EPHA7: variants seen among roughly 807,000 people sequenced by gnomAD.
EPHA7 encodes ephrin type-A receptor 7.
EPHA7 carries 25 observed loss-of-function variants against 112.6 expected under a neutral mutation model. That is an observed-to-expected ratio of 0.22 (90% CI 0.16 to 0.31). The LOEUF (loss-of-function observed/expected upper bound fraction) is 0.31, where lower values mean the gene tolerates loss of function less well. Ranked by LOEUF, EPHA7 falls within the 10% of genes least tolerant of loss-of-function variation. The pLI, the probability that EPHA7 is intolerant of heterozygous loss-of-function variation, is 1.00. For synonymous variants in EPHA7, 437 were observed against 406.5 expected (o/e 1.07, Z -0.90); for missense variants, 962 against 1,212.6 (o/e 0.79, Z 3.07).
intron 3 of EPHA7, among the ~76,000 whole-genome samples, chr6:93,387,709 A>G (rs1582646716): frequency 6.6e-6 from 1 of 152,086 alleles, no homozygotes; most frequent in African/African-American, 2.4e-5. Context: ...CCTTCTTCAC[A>G]TGGCAGCAGG....
chr6:93,338,627 C>A (rs990640368), intron 5 of EPHA7, among the ~76,000 whole-genome samples: 2 of 151,676 alleles, frequency 1.3e-5, no homozygotes, highest in African/African-American at 2.4e-5. Flanking sequence ...AAATAATAAT[C>A]GAAACAATAA....
chr6:93,268,659 A>G (rs1771064387), intron 7 of EPHA7, among the ~76,000 whole-genome samples: 1 of 151,714 alleles, frequency 6.6e-6, no homozygotes, highest in Admixed American at 6.6e-5. Context: ...TCTGTGGAGG[A>G]GCAACAGCAG....
chr6:93,374,311 T>C (rs921000245), intron 3 of EPHA7, among the ~76,000 whole-genome samples: 1 of 152,152 alleles, frequency 6.6e-6, no homozygotes, highest in Non-Finnish European at 1.5e-5. Context: ...CAGACAAGAA[T>C]AGAGATATGA....
chr6:93,336,591 CG>C (rs1307213488), intron 5 of EPHA7, among the ~76,000 whole-genome samples: 2 of 151,934 alleles, frequency 1.3e-5, no homozygotes, highest in East Asian at 1.9e-4. Context: ...TTAGTAGAGA[CG>C]GGGTTTCACT....
intron 5 of EPHA7, among the ~76,000 whole-genome samples, chr6:93,281,681 CT>C (rs1012257106): frequency 2.0e-5 from 3 of 151,812 alleles, no homozygotes; most frequent in Non-Finnish European, 2.9e-5. Flanking sequence ...GACCTCAGAA[CT>C]TTTTTTTAAA....
At chr6:93,251,150 CA>C (rs1770189426) in intron 14 of EPHA7, among the ~76,000 whole-genome samples, 1 of 152,002 alleles carries the variant, frequency 6.6e-6, no homozygotes, top group Admixed American at 6.6e-5. Flanking sequence ...TGTTGGACTT[CA>C]CTTATGAGAT....
intron 5 of EPHA7, among the ~76,000 whole-genome samples, chr6:93,303,745 T>C (rs1773111798): frequency 6.6e-6 from 1 of 152,244 alleles, no homozygotes; most frequent in South Asian, 2.1e-4. Context: ...TATGATGCTA[T>C]AAAATGATAG....
intron 5 of EPHA7, among the ~76,000 whole-genome samples, chr6:93,291,191 T>G (rs538122334): frequency 3.3e-5 from 5 of 152,204 alleles, no homozygotes; most frequent in South Asian, 2.1e-4. Context: ...AGCAATTGTG[T>G]AACATATTTT....
At chr6:93,294,068 A>G (rs1772526527) in intron 5 of EPHA7, among the ~76,000 whole-genome samples, 1 of 152,154 alleles carries the variant, frequency 6.6e-6, no homozygotes, top group Non-Finnish European at 1.5e-5. Flanking sequence ...ATAAAGCCCA[A>G]TTTACAAATC....
chr6:93,315,131 G>T (rs1773745761), intron 5 of EPHA7, among the ~76,000 whole-genome samples: 2 of 149,950 alleles, frequency 1.3e-5, no homozygotes, highest in African/African-American at 5.0e-5. Context: ...CAAAGTGCTG[G>T]GATTACAGGC....
intron 5 of EPHA7, among the ~76,000 whole-genome samples, chr6:93,317,080 T>C (rs570107528): frequency 8.5e-5 from 13 of 152,156 alleles, no homozygotes; most frequent in Admixed American, 5.2e-4. Flanking sequence ...GGATTTTCTC[T>C]CTTCTCTCCT....
intron 12 of EPHA7, among the ~76,000 whole-genome samples, chr6:93,256,625 G>T (rs1770450382): frequency 6.6e-6 from 1 of 152,036 alleles, no homozygotes; most frequent in South Asian, 2.1e-4. Flanking sequence ...TAGCAAATGG[G>T]ATTGAGAACT....
chr6:93,396,427 G>C (rs181426633), intron 3 of EPHA7, among the ~76,000 whole-genome samples: 10 of 151,836 alleles, frequency 6.6e-5, no homozygotes, highest in Middle Eastern at 3.4e-3. Context: ...ATCCTACCCT[G>C]ACTAAAAGCA....
intron 3 of EPHA7, among the ~76,000 whole-genome samples, chr6:93,386,472 TC>T (rs1181142540): frequency 6.6e-6 from 1 of 152,102 alleles, no homozygotes; most frequent in Non-Finnish European, 1.5e-5. Context: ...AGAGGGGGGC[TC>T]CCCATTCTGG....
chr6:93,300,827 C>T (rs543369813), intron 5 of EPHA7, among the ~76,000 whole-genome samples: 2 of 152,242 alleles, frequency 1.3e-5, no homozygotes, highest in South Asian at 2.1e-4. Flanking sequence ...AATAATGCAT[C>T]ATTCGGTTAT....
At chr6:93,360,095 T>C (rs1029418932) in intron 3 of EPHA7, among the ~76,000 whole-genome samples, 2 of 152,132 alleles carry the variant, frequency 1.3e-5, no homozygotes, top group Admixed American at 1.3e-4. Context: ...TTCACTTGTT[T>C]TCAATAGCAA....
chr6:93,288,589 T>C (rs1772192652), intron 5 of EPHA7, among the ~76,000 whole-genome samples: 1 of 152,224 alleles, frequency 6.6e-6, no homozygotes, highest in Admixed American at 6.5e-5. Flanking sequence ...AAATACTTAA[T>C]TTTGCATGAC....
intron 7 of EPHA7, 63 bp from the exon 8 acceptor site, chr6:93,264,765 T>C (rs1770851486): frequency 1.1e-6 from 1 of 882,110 alleles, no homozygotes; most frequent in South Asian, 1.9e-5. Context: ...AAAGGTTAAA[T>C]AAAATTAGAG....
intron 5 of EPHA7, among the ~76,000 whole-genome samples, chr6:93,329,204 A>G (rs903822201): frequency 6.6e-6 from 1 of 151,444 alleles, no homozygotes; most frequent in Non-Finnish European, 1.5e-5. Context: ...TTGTAATAAT[A>G]TAAGTAATAC....
Sources: gnomAD v4.1 joint callset for allele counts (sites outside exome capture counted in the v4.1 genomes callset) on GRCh38, gnomAD v4.1.1 for gene constraint, MANE v1.5 for transcripts, NCBI Gene and HGNC (gene_info 2026-07-23, HGNC 2026-07-21) for gene names.